Variants in ZNF727 observed in about 807,000 individuals in gnomAD.
ZNF727 encodes zinc finger protein 727.
A neutral mutation model predicts 11.5 loss-of-function variants in ZNF727; 11 were observed. The ratio of observed to expected loss-of-function variants is 0.95; its 90% CI spans 0.60 to 1.58. ZNF727 has a LOEUF of 1.58. Among genes scored for constraint, ZNF727 ranks in the 40% most tolerant of loss-of-function variants. The probability of loss-of-function intolerance (pLI) is 0.00; values close to 1 mark genes in which losing one functional copy is unlikely to be tolerated. For synonymous variants in ZNF727, 171 were observed against 196.1 expected, an observed-to-expected ratio of 0.87 and a Z score of 1.07; for missense variants, 533 against 581.7, an observed-to-expected ratio of 0.92 and a Z score of 0.86.
Position 64,045,465 on chromosome 7 carries a change from C to G in ZNF727, c.-157C>G. The G allele has an allele frequency of 3.7e-6, 4 of 1,082,594 alleles. No individual in the cohort carries two copies. In the South Asian group the frequency reaches 4.0e-5, roughly 11 times the overall value. 67.1% of individuals were successfully genotyped at this position (1,082,594 alleles called of 1,614,324 possible). A position where few individuals can be genotyped will look rare whatever the true frequency, so the allele number is the denominator to read the frequency against. On this transcript the variant is annotated 5_prime_UTR_variant, in exon 1 of 4. Coordinates refer to ENST00000456806, the MANE Select transcript of ZNF727 (RefSeq NM_001159522.3). Reference sequence around the variant, plus strand: ...TTCAATATGGCAAGGCCTTCGTCTCCTAGCTTCTAGGCTCTGAGTCCAGTA... The same window carrying G: ...TTCAATATGGCAAGGCCTTCGTCTCGTAGCTTCTAGGCTCTGAGTCCAGTA...
At chr7:64,058,745 AAC>A (rs1789724489) in intron 1 of ZNF727, among the ~76,000 whole-genome samples, 1 of 152,186 alleles carries the variant, frequency 6.6e-6, no homozygotes, top group South Asian at 2.1e-4. Context: ...AAGGAATGTA[AAC>A]ACAAGATCTG....
At chr7:64,063,859 C>CTT (rs1789820573) in intron 1 of ZNF727, among the ~76,000 whole-genome samples, 1 of 152,074 alleles carries the variant, frequency 6.6e-6, no homozygotes, top group South Asian at 2.1e-4. Context: ...CCTTCCTACT[C>CTT]TTTTCTCTCC....
At chr7:64,065,900 C>A (rs1789857591) in intron 1 of ZNF727, among the ~76,000 whole-genome samples, 1 of 152,124 alleles carries the variant, frequency 6.6e-6, no homozygotes, top group South Asian at 2.1e-4. Flanking sequence ...ACAAATGTTC[C>A]TTTTGTGGCT....
At chr7:64,052,067 C>A (rs1464948102) in intron 1 of ZNF727, among the ~76,000 whole-genome samples, 1 of 152,146 alleles carries the variant, frequency 6.6e-6, no homozygotes, top group Non-Finnish European at 1.5e-5. Flanking sequence ...TTTTGATGAT[C>A]AGTTTTCCAT....
chr7:64,057,642 A>G (rs1447349860), intron 1 of ZNF727, among the ~76,000 whole-genome samples: 1 of 152,064 alleles, frequency 6.6e-6, no homozygotes, highest in Non-Finnish European at 1.5e-5. Flanking sequence ...GCAAACTACC[A>G]TGACATACAT....
intron 1 of ZNF727, among the ~76,000 whole-genome samples, chr7:64,063,106 T>A (rs987550918): frequency 3.3e-5 from 5 of 151,266 alleles, no homozygotes; most frequent in African/African-American, 1.2e-4. Flanking sequence ...TGTCTCAGGA[T>A]TTGCACACTA....
chr7:64,077,177 G>T (rs1193981289), intron 3 of ZNF727, 99 bp from the exon 4 acceptor site: 3 of 1,190,226 alleles, frequency 2.5e-6, no homozygotes, highest in Non-Finnish European at 3.4e-6. Flanking sequence ...ATTTTATTAT[G>T]TCACCTTGTT....
At chr7:64,076,311 A>G (rs1785655853) in intron 3 of ZNF727, among the ~76,000 whole-genome samples, 1 of 150,860 alleles carries the variant, frequency 6.6e-6, no homozygotes, top group South Asian at 2.1e-4. Flanking sequence ...TTTTATTCTT[A>G]ATTGTAAAAA....
In ZNF727 at chr7:64,051,208, C is replaced by T. The variant is rs567185888; in HGVS notation, c.3+5584C>T. Among the ~76,000 whole-genome samples the T allele has an allele frequency of 5.3e-5, 8 of 152,252 alleles. No homozygotes were observed. The South Asian group carries it at 1.0e-3, about 20-fold the overall frequency. ...CTGAAATTTTAAGTTGAAGGCATAT[C>T]TGAACTAGTGACTAAAAACCAACAC... On this transcript the variant is annotated intron_variant, in intron 1 of 3. Transcript: ENST00000456806.
chr7:64,078,154 A>G lies in ZNF727; in HGVS notation c.1105A>G (p.Lys369Glu). Residue 369 changes from lysine (K) to glutamate (E), a missense_variant, in exon 4 of 4, where the codon AAA becomes GAA. Physicochemically the swap from Lys to Glu is moderately conservative, Grantham distance 56. Around this residue, in one of 3 missense-constraint regions of ZNF727, gnomAD observed 463 missense variants for 494.5 expected, o/e 0.94. Coordinates refer to ENST00000456806, the MANE Select transcript of ZNF727 (RefSeq NM_001159522.3). The stretch of plus-strand genomic sequence containing the variant: ...AATTCATATGGAATTGAGACCTTAC[A>G]AATGTGAAGAATGTGGCAAAACCTT... ...KRIHMELRPY[K>E]CEECGKTFKW... 1 of 1,597,136 alleles carries G rather than the reference A, an allele frequency of 6.3e-7. No homozygotes were observed. The highest frequency in any genetic ancestry group is 8.5e-7 in the Non-Finnish European group (1 of 1,171,182).
chr7:64,082,038 A>G lies in ZNF727; in HGVS notation c.*3489A>G, dbSNP rs1287919978. ...GAGCAGTGGGTAGTTTGTGGGACCC[A>G]TGGAGGATGGACTGGCCCTCTCTCC... On this transcript the variant is annotated 3_prime_UTR_variant, in exon 4 of 4. Coordinates refer to ENST00000456806, the MANE Select transcript of ZNF727 (RefSeq NM_001159522.3). Among the ~76,000 whole-genome samples the G allele has an allele frequency of 1.3e-5, 2 of 152,120 alleles. No homozygotes were observed. Among genetic ancestry groups the G allele is most frequent in the African/African-American group, 4.8e-5 (2 of 41,432 alleles).
chr7:64,079,759 G>A lies in ZNF727; in HGVS notation c.*1210G>A, dbSNP rs1457862920. 1.3e-5 allele frequency among the ~76,000 whole-genome samples: 2 copies of A among 152,042 alleles called. No homozygotes were observed. The highest frequency in any genetic ancestry group is 2.9e-5 in the Non-Finnish European group (2 of 67,996). On this transcript the variant is annotated 3_prime_UTR_variant, in exon 4 of 4. Transcript: ENST00000456806. ...TATGTGGTGGCTTTATCATGTCAGT[G>A]GTTTGTGTACTTTAGTGTGTTTTTG... is the stretch of plus-strand genomic sequence containing the variant.
chr7:64,049,097 A>G (rs1052496875), intron 1 of ZNF727, among the ~76,000 whole-genome samples: 21 of 152,118 alleles, frequency 1.4e-4, no homozygotes, highest in African/African-American at 4.8e-4. Context: ...CTTCATAAAA[A>G]TCTTGTTTAA....
chr7:64,048,633 G>T (rs1789545817), intron 1 of ZNF727, among the ~76,000 whole-genome samples: 1 of 152,134 alleles, frequency 6.6e-6, no homozygotes, highest in Non-Finnish European at 1.5e-5. Flanking sequence ...TCTTTGCTCA[G>T]GTAATACGTA....
rs71057374 is a variant in ZNF727, at chr7:64,062,685, A to AATATAT, written c.4-6193_4-6188dup. On this transcript the variant is annotated intron_variant, in intron 1 of 3. Transcript: ENST00000456806. ...GCATTCTATAACCTTCTTGTACTTG[A>AATATAT]ATATATATATATATATATGAAGTTC... Among the ~76,000 whole-genome samples the AATATAT allele has an allele frequency of 2.6e-4, 23 of 89,968 alleles. 1 individual carries two copies. The highest frequency in any genetic ancestry group is 1.4e-3 in the South Asian group (4 of 2,842). 59.0% of individuals were successfully genotyped at this position (89,968 alleles called of 152,430 possible). A position where few individuals can be genotyped will look rare whatever the true frequency, so the allele number is the denominator to read the frequency against.
chr7:64,050,784 G>A (rs2861503), intron 1 of ZNF727, among the ~76,000 whole-genome samples: 86,671 of 148,346 alleles, frequency 0.58, 26,192 homozygotes, highest in Non-Finnish European at 0.68. Context: ...GTATGTGTGT[G>A]TGTGTGTGTG....
chr7:64,053,138 G>A (rs1789628639), intron 1 of ZNF727, among the ~76,000 whole-genome samples: 1 of 152,114 alleles, frequency 6.6e-6, no homozygotes, highest in Non-Finnish European at 1.5e-5. Flanking sequence ...CGAGATTTAG[G>A]AAGGGTACGG....
intron 1 of ZNF727, among the ~76,000 whole-genome samples, chr7:64,063,400 A>ATAG: frequency 6.6e-6 from 1 of 152,318 alleles, no homozygotes; most frequent in South Asian, 2.1e-4. Context: ...TTTGGTGGTC[A>ATAG]TAGGTAAGAT....
At chr7:64,076,198 C>A (rs1301943229) in intron 3 of ZNF727, among the ~76,000 whole-genome samples, 1 of 152,000 alleles carries the variant, frequency 6.6e-6, no homozygotes, top group East Asian at 1.9e-4. Context: ...ACATATATTG[C>A]CATTATAATT....
Sources: gnomAD v4.1 joint callset for allele counts (sites outside exome capture counted in the v4.1 genomes callset) on GRCh38, gnomAD v4.1.1 for gene constraint, gnomAD v4.1.1 regional missense constraint, MANE v1.5 for transcripts, NCBI Gene and HGNC (gene_info 2026-07-23, HGNC 2026-07-21) for gene names.